JHY: variants seen among roughly 807,000 people sequenced by gnomAD.
JHY encodes junctional cadherin complex regulator.
In JHY, 69 loss-of-function variants were observed where a neutral mutation model predicts 78.0. The observed-to-expected ratio is 0.88, with a 90% CI of 0.73 to 1.08. JHY has a LOEUF of 1.08. JHY is among the 50% of genes least tolerant of loss of function. JHY has a pLI of 0.00. For synonymous variants in JHY, 368 were observed against 342.6 expected (o/e 1.07, Z -0.82); for missense variants, 944 against 927.8 (o/e 1.02, Z -0.23).
rs1368988946 is a variant in JHY, at chr11:122,935,483, C to T, written c.1634+408C>T. ...CTCCTGACCTCAAGTAATCCACCCG[C>T]CTTGGCCTCCCAAAGTGCTGAGATT... On this transcript the variant is annotated intron_variant, in intron 5 of 8. Transcript: ENST00000227349. The surrounding 1 kb of genome is among the most constrained non-coding windows in gnomAD (Gnocchi z 4.5). Among the ~76,000 whole-genome samples, 1 of 152,292 alleles carries T rather than the reference C, an allele frequency of 6.6e-6. No homozygotes were observed. The highest frequency in any genetic ancestry group is 1.5e-5 in the Non-Finnish European group (1 of 68,040).
rs750549762 is a variant in JHY at position 122,935,121 on chromosome 11, A to G, written c.1634+46A>G. On this transcript the variant is annotated intron_variant, in intron 5 of 8. Coordinates refer to ENST00000227349, the MANE Select transcript of JHY (RefSeq NM_024806.4). The surrounding 1 kb of genome is among the most constrained non-coding windows in gnomAD (Gnocchi z 4.5). ...AGTGGTTTTCTAGAGGAGAAAGGAG[A>G]GACTGCTGCAGAAAGACGGGAGAGG... The G allele has an allele frequency of 6.8e-7, 1 of 1,465,308 alleles. No individual in the cohort carries two copies. Among genetic ancestry groups the G allele is most frequent in the Non-Finnish European group, 9.2e-7 (1 of 1,091,770 alleles). 90.8% of individuals were successfully genotyped at this position (1,465,308 alleles called of 1,614,324 possible). A position where few individuals can be genotyped will look rare whatever the true frequency, so the allele number is the denominator to read the frequency against.
At chr11:122,957,297 C>T in intron 7 of JHY, 66 bp from the exon 8 acceptor site, 1 of 1,469,598 alleles carries the variant, frequency 6.8e-7, no homozygotes, top group Non-Finnish European at 8.9e-7. Flanking sequence ...CAGGGCATCG[C>T]TTTAAATAGA....
At chr11:122,901,638 C>T (rs1862861397) in intron 2 of JHY, among the ~76,000 whole-genome samples, 1 of 151,936 alleles carries the variant, frequency 6.6e-6, no homozygotes, top group African/African-American at 2.4e-5. Flanking sequence ...CTTTTGGAGG[C>T]TGAGGCAGGC....
chr11:122,941,694 A>G (rs1484522759), intron 5 of JHY, among the ~76,000 whole-genome samples: 2 of 152,002 alleles, frequency 1.3e-5, no homozygotes, highest in African/African-American at 4.8e-5. Context: ...CAGTGTTAGG[A>G]TTTTCTTTTC....
At chr11:122,928,593 T>C (rs1354278275) in intron 4 of JHY, among the ~76,000 whole-genome samples, 2 of 151,326 alleles carry the variant, frequency 1.3e-5, no homozygotes, top group Non-Finnish European at 2.9e-5. Context: ...CAACAAAAAT[T>C]CTTTAAAACA....
chr11:122,891,223 A>G (rs1247577649), intron 2 of JHY, among the ~76,000 whole-genome samples: 2 of 152,192 alleles, frequency 1.3e-5, no homozygotes, highest in Non-Finnish European at 2.9e-5. Flanking sequence ...TTGCTTTTGT[A>G]ATCAATAATT....
At chr11:122,930,918 G>A (rs1048779714) in intron 4 of JHY, among the ~76,000 whole-genome samples, 2 of 152,212 alleles carry the variant, frequency 1.3e-5, no homozygotes, top group Non-Finnish European at 1.5e-5. Flanking sequence ...AGCTTTGGAA[G>A]CTGGAAGTCC....
rs1864278764 is a variant in JHY at position 122,960,028 on chromosome 11, G to A, written c.*583G>A. Reference sequence around the variant, plus strand: ...GCAGTTGAATAGCTTGAGGCCAGGAGTTTGAGACCAGCCTGGGCAACATGG... The same window carrying A: ...GCAGTTGAATAGCTTGAGGCCAGGAATTTGAGACCAGCCTGGGCAACATGG... On this transcript the variant is annotated 3_prime_UTR_variant, in exon 9 of 9. Transcript: ENST00000227349. 6.6e-6 allele frequency among the ~76,000 whole-genome samples: 1 copy of A among 152,176 alleles called. No individual in the cohort carries two copies. The highest frequency in any genetic ancestry group is 2.4e-5 in the African/African-American group (1 of 41,442).
intron 2 of JHY, among the ~76,000 whole-genome samples, chr11:122,902,154 T>C (rs768127741): frequency 2.0e-5 from 3 of 147,306 alleles, no homozygotes; most frequent in Non-Finnish European, 4.5e-5. Context: ...TCTAAAATAA[T>C]GATAAAAAAT....
At chr11:122,922,281 C>A (rs1438403231) in intron 3 of JHY, among the ~76,000 whole-genome samples, 1 of 152,080 alleles carries the variant, frequency 6.6e-6, no homozygotes, top group Non-Finnish European at 1.5e-5. Flanking sequence ...CCCTATCTCT[C>A]TATATATAAG....
chr11:122,956,091 A>T (rs966325516), intron 6 of JHY, among the ~76,000 whole-genome samples: 1 of 152,102 alleles, frequency 6.6e-6, no homozygotes, highest in Non-Finnish European at 1.5e-5. Context: ...GGATCACTTA[A>T]GCTCAGGAGT....
rs1240524309 is a variant in JHY at position 122,961,189 on chromosome 11, A to G, written c.*1744A>G. 3.9e-6 allele frequency: 2 copies of G among 508,732 alleles called. No individual in the cohort carries two copies. Among genetic ancestry groups the G allele is most frequent in the Non-Finnish European group, 7.4e-6 (2 of 270,194 alleles). 31.5% of individuals were successfully genotyped at this position (508,732 alleles called of 1,614,324 possible). ...TCTGTATTGCCCTCTACTGAAGTAG[A>G]TAGTTTATATCTCCTAAAAATGAAA... On this transcript the variant is annotated 3_prime_UTR_variant, in exon 9 of 9. Transcript: ENST00000227349.
chr11:122,954,106 C>T (rs1046710975), intron 6 of JHY, among the ~76,000 whole-genome samples: 1 of 152,164 alleles, frequency 6.6e-6, no homozygotes, highest in Non-Finnish European at 1.5e-5. Flanking sequence ...TTCTTACATA[C>T]AATTAGTCCA....
At position 122,917,225 on chromosome 11, in the gene JHY, G is replaced by A. The variant is rs190035006; in HGVS notation, c.865-7672G>A. Reference sequence around the variant, plus strand: ...AGTAGAAGTACCAAGGTGTACTAGAGAGAGCCTAGCAGCCGTAAGCATTTA... The same window carrying A: ...AGTAGAAGTACCAAGGTGTACTAGAAAGAGCCTAGCAGCCGTAAGCATTTA... On this transcript the variant is annotated intron_variant, in intron 3 of 8. Transcript: ENST00000227349. This position sits in a 1 kb window ranked among gnomAD's most constrained non-coding sequence, Gnocchi z 4.1. Among the ~76,000 whole-genome samples the A allele has an allele frequency of 6.6e-6, 1 of 152,284 alleles. No homozygotes were observed. The highest frequency in any genetic ancestry group is 1.9e-4 in the East Asian group (1 of 5,184).
intron 2 of JHY, among the ~76,000 whole-genome samples, chr11:122,896,895 T>G (rs1371689846): frequency 6.6e-6 from 1 of 152,186 alleles, no homozygotes; most frequent in Non-Finnish European, 1.5e-5. Flanking sequence ...CTCACTCTAT[T>G]GCCCAGGCTG....
chr11:122,885,231 C>G lies in JHY; in HGVS notation c.-89-530C>G, dbSNP rs370741966. On this transcript the variant is annotated intron_variant, in intron 1 of 8. Coordinates refer to ENST00000227349, the MANE Select transcript of JHY (RefSeq NM_024806.4). ...AGAAAGTCTTTTCCAAATGATGTTG[C>G]CAGCCCATATAGGTCTAGGAACAAA... 1.6e-3 allele frequency among the ~76,000 whole-genome samples: 237 copies of G among 152,244 alleles called. 2 individuals are homozygous for G. The highest frequency in any genetic ancestry group is 5.4e-3 in the African/African-American group (224 of 41,544).
At chr11:122,953,673 GA>G (rs1055377396) in intron 6 of JHY, among the ~76,000 whole-genome samples, 17 of 152,064 alleles carry the variant, frequency 1.1e-4, no homozygotes, top group African/African-American at 3.9e-4. Flanking sequence ...ATGAAAGTAT[GA>G]ACAGACAGAT....
At chr11:122,891,961 G>T (rs1862624369) in intron 2 of JHY, among the ~76,000 whole-genome samples, 1 of 152,138 alleles carries the variant, frequency 6.6e-6, no homozygotes, top group Non-Finnish European at 1.5e-5. Flanking sequence ...TTAAACTGAG[G>T]CCAGAGTAAA....
At position 122,947,533 on chromosome 11, in the gene JHY, T is replaced by C. The variant is rs1863991602; in HGVS notation, c.1929+741T>C. 2.0e-5 allele frequency: 3 copies of C among 152,328 alleles called. No individual in the cohort carries two copies. In the South Asian group the frequency reaches 6.2e-4, roughly 32 times the overall value. 9.4% of individuals were successfully genotyped at this position (152,328 alleles called of 1,614,324 possible). ...GGACTTTTTATGTCCTGTGTATTTC[T>C]CTTCTGTCACTGGCAATAAAAAGCC... On this transcript the variant is annotated intron_variant, in intron 6 of 8. Coordinates refer to ENST00000227349, the MANE Select transcript of JHY (RefSeq NM_024806.4).
Sources: gnomAD v4.1 joint callset for allele counts (sites outside exome capture counted in the v4.1 genomes callset) on GRCh38, gnomAD v4.1.1 for gene constraint, Gnocchi (gnomAD v3.1) non-coding constraint, MANE v1.5 for transcripts, NCBI Gene and HGNC (gene_info 2026-07-23, HGNC 2026-07-21) for gene names.